RPS27L: variants seen among roughly 807,000 people sequenced by gnomAD.
RPS27L encodes the protein ribosomal protein S27 like.
RPS27L carries 10 observed loss-of-function variants against 12.8 expected under a neutral mutation model. The ratio of observed to expected loss-of-function variants is 0.78; its 90% confidence interval spans 0.48 to 1.33. The LOEUF (loss-of-function observed/expected upper bound fraction) is 1.33. RPS27L is among the 40% of genes most tolerant of loss of function. The probability of loss-of-function intolerance (pLI) is 0.00; values close to 1 mark genes in which losing one functional copy is unlikely to be tolerated. For synonymous variants in RPS27L, 26 were observed against 32.3 expected (o/e 0.81, Z 0.66); for missense variants, 81 against 97.4 (o/e 0.83, Z 0.71).
intron 3 of RPS27L, chr15:63,154,860 C>A (rs2037321689): frequency 6.6e-6 from 1 of 151,556 alleles, no homozygotes. Context: ...AAAGTAAAAT[C>A]TCTGGCATTT....
At chr15:63,157,157 A>T (rs1216713658) in intron 1 of RPS27L, 1 of 583,330 alleles carries the variant, frequency 1.7e-6, no homozygotes, top group Non-Finnish European at 3.1e-6. Flanking sequence ...TAAGCTACAC[A>T]GAGAACTGTT....
chr15:63,153,230 A>G lies in RPS27L; in HGVS notation c.*802T>C, dbSNP rs1261029559. The G allele has an allele frequency of 6.6e-6, 1 of 152,142 alleles. No individual in the cohort carries two copies. Among genetic ancestry groups the G allele is most frequent in the Non-Finnish European group, 1.5e-5 (1 of 68,028 alleles). The allele number at this position is 152,142 out of a possible 1,614,324, so 9.4% of individuals were successfully genotyped here. ...ATTTCTCCTCAAATTTTCTACCCTA[A>G]AAAGGAGCTTCCAATAAATAACTCA... On this transcript the variant is annotated 3_prime_UTR_variant, in exon 4 of 4. Transcript: ENST00000330964.
At chr15:63,155,284 A>C in intron 3 of RPS27L, 1 of 169,618 alleles carries the variant, frequency 5.9e-6, no homozygotes, top group Non-Finnish European at 1.2e-5. Flanking sequence ...CGAGACTCCT[A>C]ATAAAAAAAA....
chr15:63,157,391 A>G lies in RPS27L; in HGVS notation c.6+9T>C. The G allele has an allele frequency of 6.2e-7, 1 of 1,613,968 alleles. No homozygotes were observed. Among genetic ancestry groups the G allele is most frequent in the Non-Finnish European group, 8.5e-7 (1 of 1,179,930 alleles). ...AAAACAAACCCGGAGCCCGATGTAAACAACTCACAGGCATGTTGATCCTCT... is the reference window on the plus strand; with the variant it reads ...AAAACAAACCCGGAGCCCGATGTAAGCAACTCACAGGCATGTTGATCCTCT... On this transcript the variant is annotated intron_variant, in intron 1 of 3. Transcript: ENST00000330964.
chr15:63,156,913 G>A (rs928046702), intron 1 of RPS27L: 11 of 392,606 alleles, frequency 2.8e-5, no homozygotes, highest in Admixed American at 4.4e-5. Context: ...CAGCGCCTGG[G>A]TGATTTTTGC....
rs2037298321 is a variant in RPS27L, at chr15:63,151,368, G to C, written c.*2664C>G. ...TGTGCCTCAGCCTCCCAAGTAGCTG[G>C]GACTACAGGTGTACACCACCACGCC... On this transcript the variant is annotated 3_prime_UTR_variant, in exon 4 of 4. Coordinates refer to ENST00000330964, the MANE Select transcript of RPS27L (RefSeq NM_015920.4). 1 of 152,070 alleles carries C rather than the reference G, an allele frequency of 6.6e-6. No homozygotes were observed. 9.4% of individuals were successfully genotyped at this position (152,070 alleles called of 1,614,324 possible). A position where few individuals can be genotyped will look rare whatever the true frequency, so the allele number is the denominator to read the frequency against.
chr15:63,150,430 G>A lies in RPS27L; in HGVS notation c.*3602C>T, dbSNP rs1204448627. On this transcript the variant is annotated 3_prime_UTR_variant, in exon 4 of 4. Transcript: ENST00000330964. ...GATGAAAATGGTCTGGGATTAGACA[G>A]TAGTAATGGTTGCACAACCTTGTAA... 1 of 152,214 alleles carries A rather than the reference G, an allele frequency of 6.6e-6. No homozygotes were observed. Among genetic ancestry groups the A allele is most frequent in the East Asian group, 1.9e-4 (1 of 5,198 alleles). The allele number at this position is 152,214 out of a possible 1,614,324, so 9.4% of individuals were successfully genotyped here.
Position 63,157,471 on chromosome 15 carries a change from G to A in RPS27L, c.-66C>T, listed in dbSNP as rs1035159261. 3.8e-6 allele frequency: 6 copies of A among 1,589,206 alleles called. No homozygotes were observed. In the South Asian group the frequency reaches 4.4e-5, roughly 12 times the overall value. Reference sequence around the variant, plus strand: ...CCCACACAGCTAGCAAGCTGCAAGCGATCTGCGCTCGGCATCAACTTCCGG... The same window carrying A: ...CCCACACAGCTAGCAAGCTGCAAGCAATCTGCGCTCGGCATCAACTTCCGG... On this transcript the variant is annotated 5_prime_UTR_variant, in exon 1 of 4. Transcript: ENST00000330964.
In RPS27L at chr15:63,153,968, G is replaced by A. The variant is rs1054548184; in HGVS notation, c.*64C>T. The A allele has an allele frequency of 2.1e-5, 27 of 1,309,504 alleles. No individual in the cohort carries two copies. Among genetic ancestry groups the A allele is most frequent in the Non-Finnish European group, 2.8e-5 (25 of 909,062 alleles). 81.1% of individuals were successfully genotyped at this position (1,309,504 alleles called of 1,614,324 possible). A position where few individuals can be genotyped will look rare whatever the true frequency, so the allele number is the denominator to read the frequency against. On this transcript the variant is annotated 3_prime_UTR_variant, in exon 4 of 4. Coordinates refer to ENST00000330964, the MANE Select transcript of RPS27L (RefSeq NM_015920.4). ...TCTTGGTAAATTAATTAGAATTATGGAATTTATGATAAGGCTTTCTGTGAG... is the reference window on the plus strand; with the variant it reads ...TCTTGGTAAATTAATTAGAATTATGAAATTTATGATAAGGCTTTCTGTGAG...
At chr15:63,156,203 A>G (rs138544860) in intron 2 of RPS27L, among the ~76,000 whole-genome samples, 7 of 152,330 alleles carry the variant, frequency 4.6e-5, no homozygotes, top group Non-Finnish European at 8.8e-5. Context: ...GTCAAATGGC[A>G]TATCTCCTTT....
intron 1 of RPS27L, 60 bp from the exon 2 acceptor site, chr15:63,156,581 C>G (rs2270948): frequency 0.12 from 128,151 of 1,027,382 alleles, 12,144 homozygotes; most frequent in East Asian, 0.45. Flanking sequence ...CACATTTAAC[C>G]ATACGTGAAA....
rs2037302301 is a variant in RPS27L at position 63,151,947 on chromosome 15, G to C, written c.*2085C>G. 6.6e-6 allele frequency: 1 copy of C among 152,188 alleles called. No individual in the cohort carries two copies. Among genetic ancestry groups the C allele is most frequent in the Non-Finnish European group, 1.5e-5 (1 of 68,034 alleles). 9.4% of individuals were successfully genotyped at this position (152,188 alleles called of 1,614,324 possible). ...TTGAGAAACTGTATGGAGCCCAAAA[G>C]GCACACACATTCCATTAGTAACTGT... On this transcript the variant is annotated 3_prime_UTR_variant, in exon 4 of 4. Transcript: ENST00000330964.
At position 63,154,059 on chromosome 15, in the gene RPS27L, C is replaced by T; in HGVS notation, c.228G>A (p.Gly76=). 1 of 1,607,674 alleles carries T rather than the reference C, an allele frequency of 6.2e-7. No individual in the cohort carries two copies. Among genetic ancestry groups the T allele is most frequent in the Non-Finnish European group, 8.5e-7 (1 of 1,174,962 alleles). Residue 76 remains glycine (G), a splice_region_variant and synonymous_variant, in exon 4 of 4, where the codon GGG becomes GGA. Transcript: ENST00000330964. ...AGTGTTGCTTTCTTCTAAATGAACA[C>T]CCTGCAAAAGAATCATGAGAGTATA... is the stretch of plus-strand genomic sequence containing the variant. ...PTGGKARLTE[G]CSFRRKQH is the part of the protein sequence containing the mutation.
In RPS27L at chr15:63,155,329, G is replaced by T. The variant is rs1417055319; in HGVS notation, c.226+292C>A. 2.5e-5 allele frequency: 9 copies of T among 366,206 alleles called. No homozygotes were observed. The East Asian group carries it at 3.2e-4, about 13-fold the overall frequency. The allele number at this position is 366,206 out of a possible 1,614,324, so 22.7% of individuals were successfully genotyped here. On this transcript the variant is annotated intron_variant, in intron 3 of 3. Coordinates refer to ENST00000330964, the MANE Select transcript of RPS27L (RefSeq NM_015920.4). ...AATAAATAAATAAATAAATCTGCATGTCCTATAACATGTAGTTATTCTTTT... is the reference window on the plus strand; with the variant it reads ...AATAAATAAATAAATAAATCTGCATTTCCTATAACATGTAGTTATTCTTTT...
Position 63,151,406 on chromosome 15 carries a change from G to T in RPS27L, c.*2626C>A, listed in dbSNP as rs1239217346. 3 of 152,068 alleles carry T rather than the reference G, an allele frequency of 2.0e-5. No homozygotes were observed. Among genetic ancestry groups the T allele is most frequent in the Non-Finnish European group, 4.4e-5 (3 of 68,022 alleles). 9.4% of individuals were successfully genotyped at this position (152,068 alleles called of 1,614,324 possible). ...ACACCACCACGCCCAGCTAATTTTT[G>T]TATGTTTAGTAGAGACGGGGTTTCA... On this transcript the variant is annotated 3_prime_UTR_variant, in exon 4 of 4. Transcript: ENST00000330964.
chr15:63,151,058 AGTC>A lies in RPS27L; in HGVS notation c.*2971_*2973del, dbSNP rs1190862873. 1 of 152,202 alleles carries A rather than the reference AGTC, an allele frequency of 6.6e-6. No individual in the cohort carries two copies. Among genetic ancestry groups the A allele is most frequent in the Admixed American group, 6.5e-5 (1 of 15,274 alleles). 9.4% of individuals were successfully genotyped at this position (152,202 alleles called of 1,614,324 possible). A position where few individuals can be genotyped will look rare whatever the true frequency, so the allele number is the denominator to read the frequency against. On this transcript the variant is annotated 3_prime_UTR_variant, in exon 4 of 4. Coordinates refer to ENST00000330964, the MANE Select transcript of RPS27L (RefSeq NM_015920.4). ...CAAATATATTTACATTAAAATATGA[AGTC>A]AATATAAATAATATTTAAAACATTC...
Position 63,152,003 on chromosome 15 carries a change from C to T in RPS27L, c.*2029G>A, listed in dbSNP as rs772848294. The T allele has an allele frequency of 6.6e-6, 1 of 152,236 alleles. No homozygotes were observed. The highest frequency in any genetic ancestry group is 2.4e-5 in the African/African-American group (1 of 41,428). The allele number at this position is 152,236 out of a possible 1,614,324, so 9.4% of individuals were successfully genotyped here. A position where few individuals can be genotyped will look rare whatever the true frequency, so the allele number is the denominator to read the frequency against. On this transcript the variant is annotated 3_prime_UTR_variant, in exon 4 of 4. Coordinates refer to ENST00000330964, the MANE Select transcript of RPS27L (RefSeq NM_015920.4). ...TTTAAGGATGAGATAAAAATTATCA[C>T]ATCAGGCTGGGCACAGTGGCTCACA... is the stretch of plus-strand genomic sequence containing the variant.
rs1265253366 is a variant in RPS27L, at chr15:63,152,697, G to A, written c.*1335C>T. ...TTTAGTAGAGACGGGGTTTTTCCAT[G>A]TTGGTCAGGCTGGTCTTGAACTCCC... is the stretch of plus-strand genomic sequence containing the variant. On this transcript the variant is annotated 3_prime_UTR_variant, in exon 4 of 4. Coordinates refer to ENST00000330964, the MANE Select transcript of RPS27L (RefSeq NM_015920.4). 2.0e-5 allele frequency: 3 copies of A among 151,970 alleles called. No individual in the cohort carries two copies. The highest frequency in any genetic ancestry group is 7.3e-5 in the African/African-American group (3 of 41,342). The allele number at this position is 151,970 out of a possible 1,614,324, so 9.4% of individuals were successfully genotyped here. A position where few individuals can be genotyped will look rare whatever the true frequency, so the allele number is the denominator to read the frequency against.
rs1007127251 is a variant in RPS27L, at chr15:63,153,238, C to T, written c.*794G>A. The T allele has an allele frequency of 4.6e-5, 7 of 152,172 alleles. No homozygotes were observed. The highest frequency in any genetic ancestry group is 8.8e-5 in the Non-Finnish European group (6 of 68,044). The allele number at this position is 152,172 out of a possible 1,614,324, so 9.4% of individuals were successfully genotyped here. ...TCAAATTTTCTACCCTAAAAAGGAG[C>T]TTCCAATAAATAACTCACACCCCAG... On this transcript the variant is annotated 3_prime_UTR_variant, in exon 4 of 4. Transcript: ENST00000330964.
Sources: allele counts gnomAD v4.1 joint callset (sites outside exome capture counted in the v4.1 genomes callset), GRCh38; gene constraint gnomAD v4.1.1; transcripts MANE v1.5; gene names NCBI Gene and HGNC (gene_info 2026-07-23, HGNC 2026-07-21).